The following ZCCHC17 variants were observed in gnomAD, a reference collection of about 807,000 sequenced individuals.
ZCCHC17 encodes zinc finger CCHC domain-containing protein 17.
Under a neutral mutation model 30.6 loss-of-function variants are expected in ZCCHC17, and 18 were observed. The observed-to-expected ratio is 0.59, with a 90% CI of 0.41 to 0.87. The LOEUF (loss-of-function observed/expected upper bound fraction) is 0.87. Ranked by LOEUF, ZCCHC17 falls within the 40% of genes least tolerant of loss-of-function variation. The pLI, the probability that ZCCHC17 is intolerant of heterozygous loss-of-function variation, is 0.00. For synonymous variants in ZCCHC17, 88 were observed against 92.4 expected (o/e 0.95, Z 0.27); for missense variants, 263 against 284.2 (o/e 0.93, Z 0.54).
chr1:31,298,848 G>A (rs1266726082), intron 1 of ZCCHC17, among the ~76,000 whole-genome samples: 2 of 152,170 alleles, frequency 1.3e-5, no homozygotes, highest in East Asian at 3.9e-4. Flanking sequence ...GTGTGGGTAA[G>A]GTCAGCTAAG....
At chr1:31,339,509 AAAAAT>A (rs1174050845) in intron 5 of ZCCHC17, among the ~76,000 whole-genome samples, 1 of 152,326 alleles carries the variant, frequency 6.6e-6, no homozygotes, top group African/African-American at 2.4e-5. Context: ...CTCGGTCTCA[AAAAAT>A]AAAATAAAGT....
chr1:31,345,687 G>A (rs1395475983), intron 5 of ZCCHC17, among the ~76,000 whole-genome samples: 1 of 148,082 alleles, frequency 6.8e-6, no homozygotes, highest in Non-Finnish European at 1.5e-5. Flanking sequence ...GGCATGGCTG[G>A]GGAGGCCTCA....
chr1:31,359,285 G>A (rs1217235369), intron 7 of ZCCHC17, among the ~76,000 whole-genome samples: 1 of 151,958 alleles, frequency 6.6e-6, no homozygotes, highest in Non-Finnish European at 1.5e-5. Context: ...GGAGGATGAG[G>A]CAGGTGGATC....
At chr1:31,314,180 A>C (rs1205990751) in intron 2 of ZCCHC17, among the ~76,000 whole-genome samples, 2 of 152,086 alleles carry the variant, frequency 1.3e-5, no homozygotes, top group African/African-American at 4.8e-5. Flanking sequence ...CAGCTTTCTT[A>C]TATGAGATGG....
chr1:31,324,839 G>T (rs1235107077), intron 3 of ZCCHC17, among the ~76,000 whole-genome samples: 1 of 151,954 alleles, frequency 6.6e-6, no homozygotes, highest in Non-Finnish European at 1.5e-5. Context: ...AGGCAGACAG[G>T]CTCCTGGGTG....
intron 6 of ZCCHC17, 173 bp downstream of exon 6, chr1:31,346,913 T>C: frequency 2.1e-6 from 3 of 1,402,500 alleles, no homozygotes; most frequent in Non-Finnish European, 2.8e-6. Flanking sequence ...ATACATTTTC[T>C]GTTTTCTTTT....
intron 1 of ZCCHC17, among the ~76,000 whole-genome samples, chr1:31,302,469 A>G (rs1055053812): frequency 6.6e-6 from 1 of 152,158 alleles, no homozygotes; most frequent in Non-Finnish European, 1.5e-5. Context: ...GTTTGAATGA[A>G]TGGATCCAGA....
At position 31,363,889 on chromosome 1, in the gene ZCCHC17, C is replaced by G. The variant is rs2148491018; in HGVS notation, c.565-143C>G. 3.7e-6 allele frequency: 5 copies of G among 1,341,528 alleles called. No homozygotes were observed. In the East Asian group the frequency reaches 1.3e-4, roughly 34 times the overall value. The allele number at this position is 1,341,528 out of a possible 1,614,324, so 83.1% of individuals were successfully genotyped here. ...TGTTAGCCAGGTTGATCTTGAACTC[C>G]TGGCCTCAAGCATTCCTCCCACCTC... On this transcript the variant is annotated intron_variant, in intron 7 of 7. Transcript: ENST00000344147.
chr1:31,344,047 G>A (rs1451092303), intron 5 of ZCCHC17, among the ~76,000 whole-genome samples: 1 of 151,780 alleles, frequency 6.6e-6, no homozygotes, highest in Non-Finnish European at 1.5e-5. Context: ...TAGAGACGGG[G>A]TTTCTCCATG....
At position 31,312,700 on chromosome 1, in the gene ZCCHC17, C is replaced by T. The variant is rs75979839; in HGVS notation, c.66+2536C>T. Among the ~76,000 whole-genome samples the T allele has an allele frequency of 2.6e-3, 399 of 152,300 alleles. 1 individual carries two copies. Among genetic ancestry groups the T allele is most frequent in the African/African-American group, 9.3e-3 (385 of 41,568 alleles). ...GGAATTAATTAATGTTGGCTCCCTC[C>T]TCTTGAAGTGAAAGTAAAGCCAAAA... On this transcript the variant is annotated intron_variant, in intron 2 of 7. Coordinates refer to ENST00000344147, the MANE Select transcript of ZCCHC17 (RefSeq NM_016505.4).
At position 31,339,960 on chromosome 1, in the gene ZCCHC17, C is replaced by CTTTTTTTTTTT. The variant is rs36008834; in HGVS notation, c.317+926_317+936dup. Among the ~76,000 whole-genome samples the CTTTTTTTTTTT allele has an allele frequency of 2.4e-3, 220 of 90,392 alleles. 13 individuals are homozygous for CTTTTTTTTTTT. Among genetic ancestry groups the CTTTTTTTTTTT allele is most frequent in the Non-Finnish European group, 3.7e-3 (166 of 44,896 alleles). The allele number at this position is 90,392 out of a possible 152,430, so 59.3% of individuals were successfully genotyped here. On this transcript the variant is annotated intron_variant, in intron 5 of 7. Coordinates refer to ENST00000344147, the MANE Select transcript of ZCCHC17 (RefSeq NM_016505.4). Reference sequence around the variant, plus strand: ...TCTGTCTCAAGTCTTTCTTGGATTTCTTTTTTTTTTTTTTTTTTTTTTTTG... The same window carrying CTTTTTTTTTTT: ...TCTGTCTCAAGTCTTTCTTGGATTTCTTTTTTTTTTTTTTTTTTTTTTTTTTTTTTTTTTTG...
At chr1:31,323,952 G>A (rs1035442029) in intron 3 of ZCCHC17, among the ~76,000 whole-genome samples, 2 of 147,634 alleles carry the variant, frequency 1.4e-5, no homozygotes, top group Non-Finnish European at 3.0e-5. Flanking sequence ...CTGTTTTGTA[G>A]ACTATGCAGA....
intron 2 of ZCCHC17, among the ~76,000 whole-genome samples, chr1:31,312,900 G>A (rs1329723533): frequency 6.6e-6 from 1 of 151,762 alleles, no homozygotes; most frequent in Admixed American, 6.6e-5. Context: ...AGCCTCCTAA[G>A]TAGCTGGGAT....
intron 3 of ZCCHC17, among the ~76,000 whole-genome samples, chr1:31,334,337 C>CTCTCTCTGTG (rs1284223463): frequency 2.3e-5 from 2 of 85,588 alleles, no homozygotes; most frequent in African/African-American, 9.9e-5. Flanking sequence ...CTCTCTCTCT[C>CTCTCTCTGTG]TGTGTGTGTG....
Position 31,326,314 on chromosome 1 carries a change from T to C in ZCCHC17, c.124+7148T>C, listed in dbSNP as rs1311879162. Among the ~76,000 whole-genome samples the C allele has an allele frequency of 2.6e-5, 4 of 152,140 alleles. No homozygotes were observed. In the South Asian group the frequency reaches 6.2e-4, roughly 24 times the overall value. On this transcript the variant is annotated intron_variant, in intron 3 of 7. Transcript: ENST00000344147. ...GTTAAAAAAAAAATCCAAGAGGTGA[T>C]CTTTGGATAATAAATCCATGCCTCT... is the stretch of plus-strand genomic sequence containing the variant.
rs183745378 is a variant in ZCCHC17 at position 31,322,213 on chromosome 1, A to G, written c.124+3047A>G. Reference sequence around the variant, plus strand: ...ATCAACTGGATGTCCCAACAATTCAATTCAATTCTGACACTAACTACCTGG... The same window carrying G: ...ATCAACTGGATGTCCCAACAATTCAGTTCAATTCTGACACTAACTACCTGG... On this transcript the variant is annotated intron_variant, in intron 3 of 7. Transcript: ENST00000344147. 3.9e-5 allele frequency among the ~76,000 whole-genome samples: 6 copies of G among 152,302 alleles called. No homozygotes were observed. The East Asian group carries it at 1.2e-3, about 29-fold the overall frequency.
At position 31,348,812 on chromosome 1, in the gene ZCCHC17, CT is replaced by C; in HGVS notation, c.419-16del. 6.2e-7 allele frequency: 1 copy of C among 1,612,148 alleles called. No individual in the cohort carries two copies. Among genetic ancestry groups the C allele is most frequent in the Non-Finnish European group, 8.5e-7 (1 of 1,179,966 alleles). ...ACTACTTCCTTTTTCTATACCTTTTCTACTTTTCTTCTGCAGGCCACTTTGC... is the reference window on the plus strand; with the variant it reads ...ACTACTTCCTTTTTCTATACCTTTTCACTTTTCTTCTGCAGGCCACTTTGC... On this transcript the variant is annotated splice_polypyrimidine_tract_variant and intron_variant, in intron 6 of 7. Transcript: ENST00000344147.
chr1:31,348,272 C>T (rs1639347064), intron 6 of ZCCHC17, among the ~76,000 whole-genome samples: 1 of 152,146 alleles, frequency 6.6e-6, no homozygotes, highest in East Asian at 1.9e-4. Context: ...TCATCTTCTA[C>T]AAATGTAGGA....
intron 7 of ZCCHC17, among the ~76,000 whole-genome samples, chr1:31,357,670 A>G (rs1335095549): frequency 6.6e-6 from 1 of 152,218 alleles, no homozygotes. Flanking sequence ...AGAAAAATTA[A>G]TTTGATTAAG....
Sources: allele counts gnomAD v4.1 joint callset (sites outside exome capture counted in the v4.1 genomes callset), GRCh38; gene constraint gnomAD v4.1.1; transcripts MANE v1.5; gene names NCBI Gene and HGNC (gene_info 2026-07-23, HGNC 2026-07-21).